ROBO2: variants seen among roughly 807,000 people sequenced by gnomAD.
ROBO2 encodes roundabout guidance receptor 2, also known as roundabout homolog 2.
ROBO2 carries 53 observed loss-of-function variants against 160.8 expected under a neutral mutation model. That is an observed-to-expected ratio of 0.33 (90% CI 0.26 to 0.41). The LOEUF (loss-of-function observed/expected upper bound fraction) is 0.41. ROBO2 is among the 10% of genes least tolerant of loss of function. The pLI is 1.00. For synonymous variants in ROBO2, 664 were observed against 611.7 expected, an observed-to-expected ratio of 1.09 and a Z score of -1.26; for missense variants, 1,577 against 1,722.4, an observed-to-expected ratio of 0.92 and a Z score of 1.49.
chr3:77,528,126 A>G (rs2091340012), intron 6 of ROBO2, among the ~76,000 whole-genome samples: 1 of 151,678 alleles, frequency 6.6e-6, no homozygotes, highest in Admixed American at 6.6e-5. Context: ...TTTTCAATTC[A>G]TTGACTTAGT....
chr3:76,504,581 T>G (rs920250444), intron 2 of ROBO2, among the ~76,000 whole-genome samples: 1 of 132,766 alleles, frequency 7.5e-6, no homozygotes, highest in Non-Finnish European at 1.5e-5. Context: ...CAGGCTGGAG[T>G]GCAGTGGTGC....
intron 2 of ROBO2, among the ~76,000 whole-genome samples, chr3:77,391,272 T>A (rs2074698478): frequency 6.6e-6 from 1 of 152,110 alleles, no homozygotes; most frequent in Admixed American, 6.6e-5. Context: ...AAATTTGCAT[T>A]ATAGTATAAT....
intron 2 of ROBO2, among the ~76,000 whole-genome samples, chr3:76,912,912 A>C (rs1022929683): frequency 6.6e-6 from 1 of 152,274 alleles, no homozygotes. Flanking sequence ...TCCAATCCAG[A>C]ACCTAGTGAG....
At chr3:76,585,866 A>G (rs946385866) in intron 2 of ROBO2, among the ~76,000 whole-genome samples, 2 of 152,224 alleles carry the variant, frequency 1.3e-5, no homozygotes, top group African/African-American at 4.8e-5. Context: ...TATGTTATAT[A>G]CACATATATA....
At chr3:77,084,702 G>T (rs1422805291) in intron 1 of ROBO2, among the ~76,000 whole-genome samples, 1 of 152,088 alleles carries the variant, frequency 6.6e-6, no homozygotes, top group Non-Finnish European at 1.5e-5. Flanking sequence ...AATGGGCTGA[G>T]TGGAAAACAA....
chr3:77,067,870 A>G (rs6778257), intron 1 of ROBO2, among the ~76,000 whole-genome samples: 1,824 of 152,246 alleles, frequency 0.012, 38 homozygotes, highest in African/African-American at 0.041. Flanking sequence ...GAGCATGCTG[A>G]GGATGTTTCA....
At chr3:76,516,955 G>A (rs888531510) in intron 2 of ROBO2, among the ~76,000 whole-genome samples, 2 of 152,122 alleles carry the variant, frequency 1.3e-5, no homozygotes, top group African/African-American at 4.8e-5. Context: ...AAGAGACAGC[G>A]ATTATTTTGC....
intron 2 of ROBO2, among the ~76,000 whole-genome samples, chr3:76,200,680 C>G (rs1702480826): frequency 6.6e-6 from 1 of 152,172 alleles, no homozygotes; most frequent in Non-Finnish European, 1.5e-5. Flanking sequence ...CACCAAGCAT[C>G]TCCACATACA....
At chr3:77,224,336 T>C (rs1222422237) in intron 2 of ROBO2, among the ~76,000 whole-genome samples, 2 of 151,974 alleles carry the variant, frequency 1.3e-5, no homozygotes, top group African/African-American at 4.8e-5. Flanking sequence ...AGCTGAAAGA[T>C]TGCCTAACTA....
intron 2 of ROBO2, among the ~76,000 whole-genome samples, chr3:77,309,053 G>T (rs60037171): frequency 1.0e-5 from 1 of 100,068 alleles, no homozygotes; most frequent in South Asian, 4.5e-4. Context: ...GCTGAGATTC[G>T]GCTATTTATT....
At chr3:76,155,551 A>G (rs1015636071) in intron 2 of ROBO2, among the ~76,000 whole-genome samples, 1 of 152,200 alleles carries the variant, frequency 6.6e-6, no homozygotes, top group African/African-American at 2.4e-5. Flanking sequence ...GGATTACAAG[A>G]AAAGTCATAA....
intron 2 of ROBO2, among the ~76,000 whole-genome samples, chr3:77,381,737 A>G (rs1054889345): frequency 8.5e-5 from 13 of 152,258 alleles, no homozygotes; most frequent in Non-Finnish European, 1.8e-4. Flanking sequence ...TGAAAATCTC[A>G]GAAAATTCCA....
At chr3:76,907,822 GGGTGT>G (rs2075704745) in intron 2 of ROBO2, among the ~76,000 whole-genome samples, 1 of 116,982 alleles carries the variant, frequency 8.5e-6, no homozygotes. Flanking sequence ...TGTTTGTTTG[GGGTGT>G]GTGTGTGTGT....
intron 2 of ROBO2, among the ~76,000 whole-genome samples, chr3:77,145,107 CT>C (rs1238089739): frequency 6.6e-6 from 1 of 151,812 alleles, no homozygotes; most frequent in Non-Finnish European, 1.5e-5. Context: ...GGCTTTATAC[CT>C]GGTTTACAGT....
At chr3:76,671,306 C>T (rs140515775) in intron 2 of ROBO2, among the ~76,000 whole-genome samples, 2 of 152,216 alleles carry the variant, frequency 1.3e-5, no homozygotes, top group East Asian at 3.9e-4. Context: ...ATAGCAGGTA[C>T]AGTACTCATG....
intron 2 of ROBO2, among the ~76,000 whole-genome samples, chr3:77,402,071 T>C (rs9871151): frequency 0.15 from 22,868 of 152,178 alleles, 1,792 homozygotes; most frequent in East Asian, 0.25. Context: ...AAATGTTGCA[T>C]ATATACACCA....
chr3:77,643,518 C>A (rs1426640414), intron 24 of ROBO2, among the ~76,000 whole-genome samples: 1 of 152,046 alleles, frequency 6.6e-6, no homozygotes, highest in Non-Finnish European at 1.5e-5. Context: ...AATCAAGCTT[C>A]CTGGAAATGT....
At chr3:77,574,819 A>G in intron 14 of ROBO2, 89 bp downstream of exon 15, 4 of 942,952 alleles carry the variant, frequency 4.2e-6, no homozygotes, top group Non-Finnish European at 6.8e-6. Flanking sequence ...AGAAGAATGG[A>G]AAGATATCAC....
intron 2 of ROBO2, among the ~76,000 whole-genome samples, chr3:76,356,008 G>T (rs996892993): frequency 6.6e-6 from 1 of 151,508 alleles, no homozygotes; most frequent in Non-Finnish European, 1.5e-5. Context: ...AGAATAGAAG[G>T]CCTCAAGAAA....
Sources: allele counts gnomAD v4.1 joint callset (sites outside exome capture counted in the v4.1 genomes callset), GRCh38; gene constraint gnomAD v4.1.1; transcripts MANE v1.5; gene names NCBI Gene and HGNC (gene_info 2026-07-23, HGNC 2026-07-21).